Variants in KLHL9 observed in about 807,000 individuals in gnomAD.
KLHL9 encodes kelch like family member 9.
A neutral mutation model predicts 42.3 loss-of-function variants in KLHL9; 27 were observed. That is an observed-to-expected ratio of 0.64 (90% CI 0.47 to 0.88). The LOEUF is 0.88. KLHL9 is among the 40% of genes least tolerant of loss of function. The pLI is 0.00. For missense variants in KLHL9, 629 were observed against 750.3 expected, an observed-to-expected ratio of 0.84 and a Z score of 1.89; for synonymous variants, 274 against 254.4, an observed-to-expected ratio of 1.08 and a Z score of -0.73.
chr9:21,334,281 G>C lies in KLHL9; in HGVS notation c.579C>G (p.Leu193=). The change falls in exon 1 of 1, where the codon CTC becomes CTG. Residue 193 remains leucine (L), a synonymous_variant. Transcript: ENST00000359039. This position sits in a 1 kb window ranked among gnomAD's most constrained non-coding sequence, Gnocchi z 5.1. ...ALLSTGEFLK[L]PFERLAFVLS... is the part of the protein sequence containing the mutation. ...GCACAAATGCAAGTCGTTCAAAAGG[G>C]AGTTTTAGAAACTCCCCAGTACTCA... 6.2e-7 allele frequency: 1 copy of C among 1,614,060 alleles called. No homozygotes were observed. Among genetic ancestry groups the C allele is most frequent in the Non-Finnish European group, 8.5e-7 (1 of 1,180,000 alleles).
rs371506199 is a variant in KLHL9, at chr9:21,333,144, A to G, written c.1716T>C (p.Asp572=). 1.9e-6 allele frequency: 3 copies of G among 1,614,210 alleles called. No homozygotes were observed. The highest frequency in any genetic ancestry group is 2.5e-6 in the Non-Finnish European group (3 of 1,180,016). The change falls in exon 1 of 1, where the codon GAT becomes GAC. Residue 572 remains aspartate, a synonymous_variant. Transcript: ENST00000359039. This position sits in a 1 kb window ranked among gnomAD's most constrained non-coding sequence, Gnocchi z 7.5. ...EIVQKYDPEK[D]EWHKVFDLPE... ...GAAGATCAAAAACTTTATGCCACTC[A>G]TCTTTTTCTGGGTCATATTTCTGGA... is the stretch of plus-strand genomic sequence containing the variant.
rs535505896 is a variant in KLHL9 at position 21,330,827 on chromosome 9, G to A, written c.*2179C>T. The A allele has an allele frequency of 6.6e-6, 1 of 152,152 alleles. No homozygotes were observed. The highest frequency in any genetic ancestry group is 2.4e-5 in the African/African-American group (1 of 41,454). The allele number at this position is 152,152 out of a possible 1,614,324, so 9.4% of individuals were successfully genotyped here. ...AATCCCAGCTAATCGGGAGGCTGAG[G>A]TGGGAGAATCGCCTGAACATGAGAG... On this transcript the variant is annotated 3_prime_UTR_variant, in exon 1 of 1. Coordinates refer to ENST00000359039, the MANE Select transcript of KLHL9 (RefSeq NM_018847.4).
chr9:21,334,190 T>C lies in KLHL9; in HGVS notation c.670A>G (p.Arg224Gly), dbSNP rs1350847317. Residue 224 changes from arginine to glycine, a missense_variant, in exon 1 of 1, where the codon AGG becomes GGG. By Grantham distance (125) the Arg-to-Gly change is moderately radical (BLOSUM62 -2). Transcript: ENST00000359039. The surrounding 1 kb of genome is among the most constrained non-coding windows in gnomAD (Gnocchi z 5.1). ...ELFKAACRWLRLEDPRMDYAA... is the reference protein window; with the variant it reads ...ELFKAACRWLGLEDPRMDYAA... ...TAATCCATCCGAGGGTCTTCCAACC[T>C]TAGCCAGCGACAGGCTGCCTTAAAG... The C allele has an allele frequency of 1.2e-6, 2 of 1,614,100 alleles. No homozygotes were observed. The highest frequency in any genetic ancestry group is 1.7e-6 in the Non-Finnish European group (2 of 1,180,042).
In KLHL9 at chr9:21,331,021, C is replaced by T. The variant is rs1167645397; in HGVS notation, c.*1985G>A. On this transcript the variant is annotated 3_prime_UTR_variant, in exon 1 of 1. Transcript: ENST00000359039. ...GGGAAGAAATAAATGCAAGCAAATGCAAGTTAAATTACATTTATTATATAA... is the reference window on the plus strand; with the variant it reads ...GGGAAGAAATAAATGCAAGCAAATGTAAGTTAAATTACATTTATTATATAA... 6.6e-6 allele frequency: 1 copy of T among 151,312 alleles called. No homozygotes were observed. The highest frequency in any genetic ancestry group is 1.5e-5 in the Non-Finnish European group (1 of 67,806). 9.4% of individuals were successfully genotyped at this position (151,312 alleles called of 1,614,324 possible). A position where few individuals can be genotyped will look rare whatever the true frequency, so the allele number is the denominator to read the frequency against.
chr9:21,333,873 A>G lies in KLHL9; in HGVS notation c.987T>C (p.Ser329=). The change falls in exon 1 of 1, where the codon TCT becomes TCC. Residue 329 remains serine, a synonymous_variant. Coordinates refer to ENST00000359039, the MANE Select transcript of KLHL9 (RefSeq NM_018847.4). The surrounding 1 kb of genome is among the most constrained non-coding windows in gnomAD (Gnocchi z 7.5). ...MYDERAQEWR[S]LAPMDAPRYQ... Reference sequence around the variant, plus strand: ...AACGGGGAGCATCCATTGGGGCTAAAGATCTCCATTCTTGTGCCCTTTCAT... The same window carrying G: ...AACGGGGAGCATCCATTGGGGCTAAGGATCTCCATTCTTGTGCCCTTTCAT... The G allele has an allele frequency of 1.2e-6, 2 of 1,614,004 alleles. No individual in the cohort carries two copies. Among genetic ancestry groups the G allele is most frequent in the Non-Finnish European group, 1.7e-6 (2 of 1,180,026 alleles).
Position 21,331,267 on chromosome 9 carries a change from A to G in KLHL9, c.*1739T>C, listed in dbSNP as rs1820165561. ...AAATGTACTCAAATGTGCTATTTTTAGTAATAAAAAACTGAGTAATTAAAA... is the reference window on the plus strand; with the variant it reads ...AAATGTACTCAAATGTGCTATTTTTGGTAATAAAAAACTGAGTAATTAAAA... On this transcript the variant is annotated 3_prime_UTR_variant, in exon 1 of 1. Transcript: ENST00000359039. 6.5e-6 allele frequency: 1 copy of G among 152,690 alleles called. No homozygotes were observed. The highest frequency in any genetic ancestry group is 2.1e-4 in the South Asian group (1 of 4,828). 9.5% of individuals were successfully genotyped at this position (152,690 alleles called of 1,614,324 possible). A position where few individuals can be genotyped will look rare whatever the true frequency, so the allele number is the denominator to read the frequency against.
Position 21,332,887 on chromosome 9 carries a change from G to C in KLHL9, c.*119C>G. 1 of 1,452,724 alleles carries C rather than the reference G, an allele frequency of 6.9e-7. No homozygotes were observed. The allele number at this position is 1,452,724 out of a possible 1,614,324, so 90.0% of individuals were successfully genotyped here. Reference sequence around the variant, plus strand: ...GATAAACATACTAAAAGCCATACAAGACGAATAACATCAGTTACCTTTATA... The same window carrying C: ...GATAAACATACTAAAAGCCATACAACACGAATAACATCAGTTACCTTTATA... On this transcript the variant is annotated 3_prime_UTR_variant, in exon 1 of 1. Coordinates refer to ENST00000359039, the MANE Select transcript of KLHL9 (RefSeq NM_018847.4).
chr9:21,333,984 G>A lies in KLHL9; in HGVS notation c.876C>T (p.Ala292=), dbSNP rs1820220113. ...MQPVMQSDRT[A]IRSDSTHLVT... Reference sequence around the variant, plus strand: ...CCAAGTGAGTGGAGTCAGATCGAATGGCAGTTCTATCTGACTGCATCACTG... The same window carrying A: ...CCAAGTGAGTGGAGTCAGATCGAATAGCAGTTCTATCTGACTGCATCACTG... The change falls in exon 1 of 1, where the codon GCC becomes GCT. Residue 292 remains alanine (A), a synonymous_variant. Transcript: ENST00000359039. The surrounding 1 kb of genome is among the most constrained non-coding windows in gnomAD (Gnocchi z 7.5). 1 of 1,614,044 alleles carries A rather than the reference G, an allele frequency of 6.2e-7. No individual in the cohort carries two copies. Among genetic ancestry groups the A allele is most frequent in the Non-Finnish European group, 8.5e-7 (1 of 1,179,942 alleles).
At position 21,332,759 on chromosome 9, in the gene KLHL9, T is replaced by C; in HGVS notation, c.*247A>G. The C allele has an allele frequency of 1.9e-6, 1 of 514,662 alleles. No homozygotes were observed. The allele number at this position is 514,662 out of a possible 1,614,324, so 31.9% of individuals were successfully genotyped here. A position where few individuals can be genotyped will look rare whatever the true frequency, so the allele number is the denominator to read the frequency against. ...TTTACCACAGTCATCTACAATTTTA[T>C]ATAACATCACAAAAAGACATCTAAA... On this transcript the variant is annotated 3_prime_UTR_variant, in exon 1 of 1. Transcript: ENST00000359039.
Position 21,334,797 on chromosome 9 carries a change from T to C in KLHL9, c.63A>G (p.Ala21=). The C allele has an allele frequency of 6.2e-7, 1 of 1,613,364 alleles. No homozygotes were observed. Among genetic ancestry groups the C allele is most frequent in the Non-Finnish European group, 8.5e-7 (1 of 1,179,708 alleles). Reference sequence around the variant, plus strand: ...TGCTGGTAAAAAAGCGTGTGGTTCCTGCCTTACAAGGCTGCAAATGGGCAG... The same window carrying C: ...TGCTGGTAAAAAAGCGTGTGGTTCCCGCCTTACAAGGCTGCAAATGGGCAG... ...GVSAHLQPCK[A]GTTRFFTSNT... is the part of the protein sequence containing the mutation. Residue 21 remains alanine, a synonymous_variant, in exon 1 of 1, where the codon GCA becomes GCG. Transcript: ENST00000359039. The surrounding 1 kb of genome is among the most constrained non-coding windows in gnomAD (Gnocchi z 5.1).
In KLHL9 at chr9:21,332,092, C is replaced by T. The variant is rs1285918164; in HGVS notation, c.*914G>A. The stretch of plus-strand genomic sequence containing the variant: ...CAAAAGCAGTTCTCTGAAACCTGAA[C>T]TTTACCAATCTGTGTAAAAGTACTC... On this transcript the variant is annotated 3_prime_UTR_variant, in exon 1 of 1. Transcript: ENST00000359039. 1 of 152,418 alleles carries T rather than the reference C, an allele frequency of 6.6e-6. No individual in the cohort carries two copies. Among genetic ancestry groups the T allele is most frequent in the Non-Finnish European group, 1.5e-5 (1 of 68,036 alleles). The allele number at this position is 152,418 out of a possible 1,614,324, so 9.4% of individuals were successfully genotyped here.
Position 21,333,918 on chromosome 9 carries a change from A to C in KLHL9, c.942T>G (p.Ser314Arg), listed in dbSNP as rs773912458. 1 of 1,614,122 alleles carries C rather than the reference A, an allele frequency of 6.2e-7. No homozygotes were observed. The highest frequency in any genetic ancestry group is 2.2e-5 in the East Asian group (1 of 44,886). ...TTTCATCATACATCCGTAATTCTTT[A>C]CTGACAACCAGCTGCTGCCTCAAAA... The part of the protein sequence containing the change: ...GGVLRQQLVV[S>R]KELRMYDERA... Residue 314 changes from serine to arginine, a missense_variant, in exon 1 of 1, where the codon AGT becomes AGG. Transcript: ENST00000359039. This position sits in a 1 kb window ranked among gnomAD's most constrained non-coding sequence, Gnocchi z 7.5.
rs1312075274 is a variant in KLHL9 at position 21,334,614 on chromosome 9, T to C, written c.246A>G (p.Thr82=). 6.2e-7 allele frequency: 1 copy of C among 1,614,200 alleles called. No individual in the cohort carries two copies. The highest frequency in any genetic ancestry group is 1.1e-5 in the South Asian group (1 of 91,084). ...SASDYFKAMF[T]GGMKEQDLMC... ...TCAAATCTTGTTCTTTCATTCCACC[T>C]GTGAACATGGCTTTGAAATAATCAC... Residue 82 remains threonine, a synonymous_variant, in exon 1 of 1, where the codon ACA becomes ACG. Coordinates refer to ENST00000359039, the MANE Select transcript of KLHL9 (RefSeq NM_018847.4). This position sits in a 1 kb window ranked among gnomAD's most constrained non-coding sequence, Gnocchi z 5.1.
Position 21,334,446 on chromosome 9 carries a change from C to G in KLHL9, c.414G>C (p.Leu138Phe). The G allele has an allele frequency of 1.2e-6, 2 of 1,613,930 alleles. No homozygotes were observed. ...AASFLQILPV[L>F]DFCKVFLISG... ...ATATAAGAAATACTTTACAGAAATC[C>G]AAAACGGGTAATATTTGTAAAAAGC... The change falls in exon 1 of 1, where the codon TTG becomes TTC. Residue 138 changes from leucine to phenylalanine, a missense_variant. Leu to Phe is a conservative substitution (Grantham distance 22, BLOSUM62 0). Around this residue, in one of 4 missense-constraint regions of KLHL9, gnomAD observed 351 missense variants for 363.1 expected, o/e 0.97. Transcript: ENST00000359039. This position sits in a 1 kb window ranked among gnomAD's most constrained non-coding sequence, Gnocchi z 5.1.
chr9:21,333,304 G>A lies in KLHL9; in HGVS notation c.1556C>T (p.Ser519Leu), dbSNP rs768748243. Residue 519 changes from serine (S) to leucine (L), a missense_variant, in exon 1 of 1, where the codon TCA becomes TTA. Physicochemically the swap from Ser to Leu is moderately radical, Grantham distance 145 (BLOSUM62 -2). Around this residue, in one of 4 missense-constraint regions of KLHL9, gnomAD observed 214 missense variants for 305.8 expected, o/e 0.70. Transcript: ENST00000359039. The surrounding 1 kb of genome is among the most constrained non-coding windows in gnomAD (Gnocchi z 7.5). ...TGGGGTCCACTGGTCAAGGGTTGGT[G>A]AATAGTATTCACAGCTTAGAACATC... The part of the protein sequence containing the change: ...YDDVLSCEYY[S>L]PTLDQWTPIA... The A allele has an allele frequency of 2.5e-6, 4 of 1,614,080 alleles. No individual in the cohort carries two copies. The highest frequency in any genetic ancestry group is 2.7e-5 in the African/African-American group (2 of 74,932).
rs1305589646 is a variant in KLHL9 at position 21,331,993 on chromosome 9, A to T, written c.*1013T>A. 6.6e-6 allele frequency: 1 copy of T among 152,520 alleles called. No individual in the cohort carries two copies. Among genetic ancestry groups the T allele is most frequent in the Non-Finnish European group, 1.5e-5 (1 of 68,028 alleles). 9.4% of individuals were successfully genotyped at this position (152,520 alleles called of 1,614,324 possible). A position where few individuals can be genotyped will look rare whatever the true frequency, so the allele number is the denominator to read the frequency against. On this transcript the variant is annotated 3_prime_UTR_variant, in exon 1 of 1. Transcript: ENST00000359039. ...TTAAAACCCTATAGCTTTGTTCAGA[A>T]TATTTTTTTCTTTGCTTTTTTCATT... is the stretch of plus-strand genomic sequence containing the variant.
rs1342111199 is a variant in KLHL9, at chr9:21,330,194, A to C, written c.*2812T>G. On this transcript the variant is annotated 3_prime_UTR_variant, in exon 1 of 1. Coordinates refer to ENST00000359039, the MANE Select transcript of KLHL9 (RefSeq NM_018847.4). The stretch of plus-strand genomic sequence containing the variant: ...TGACGTATCCTGGGGGAGGGACCCA[A>C]GTCTAAACAATATTACTTAAAACTT... 1.3e-5 allele frequency: 2 copies of C among 152,196 alleles called. No homozygotes were observed. The highest frequency in any genetic ancestry group is 4.8e-5 in the African/African-American group (2 of 41,438). 9.4% of individuals were successfully genotyped at this position (152,196 alleles called of 1,614,324 possible). A position where few individuals can be genotyped will look rare whatever the true frequency, so the allele number is the denominator to read the frequency against.
In KLHL9 at chr9:21,333,867, G is replaced by A. The variant is rs758913815; in HGVS notation, c.993C>T (p.Ala331=). The A allele has an allele frequency of 2.5e-6, 4 of 1,613,722 alleles. No homozygotes were observed. The highest frequency in any genetic ancestry group is 3.4e-6 in the Non-Finnish European group (4 of 1,180,012). ...GCTGGTAACGGGGAGCATCCATTGG[G>A]GCTAAAGATCTCCATTCTTGTGCCC... is the stretch of plus-strand genomic sequence containing the variant. The part of the protein sequence containing the change: ...DERAQEWRSL[A]PMDAPRYQHG... Residue 331 remains alanine, a synonymous_variant, in exon 1 of 1, where the codon GCC becomes GCT. Coordinates refer to ENST00000359039, the MANE Select transcript of KLHL9 (RefSeq NM_018847.4). The surrounding 1 kb of genome is among the most constrained non-coding windows in gnomAD (Gnocchi z 7.5).
rs201886256 is a variant in KLHL9 at position 21,333,956 on chromosome 9, T to C, written c.904A>G (p.Thr302Ala). Residue 302 changes from threonine (T) to alanine (A), a missense_variant, in exon 1 of 1, where the codon ACA becomes GCA. Physicochemically the swap from Thr to Ala is moderately conservative, Grantham distance 58. Around this residue, in one of 4 missense-constraint regions of KLHL9, gnomAD observed 214 missense variants for 305.8 expected, o/e 0.70. Transcript: ENST00000359039. The surrounding 1 kb of genome is among the most constrained non-coding windows in gnomAD (Gnocchi z 7.5). ...TGCTGCCTCAAAACTCCTCCTAATG[T>C]AACCAAGTGAGTGGAGTCAGATCGA... ...AIRSDSTHLV[T>A]LGGVLRQQLV... 6.2e-7 allele frequency: 1 copy of C among 1,614,228 alleles called. No individual in the cohort carries two copies. Among genetic ancestry groups the C allele is most frequent in the East Asian group, 2.2e-5 (1 of 44,886 alleles).
Sources: allele counts gnomAD v4.1 joint callset, GRCh38; gene constraint gnomAD v4.1.1; regional missense constraint gnomAD v4.1.1; non-coding constraint Gnocchi (gnomAD v3.1); transcripts MANE v1.5; gene names NCBI Gene and HGNC (gene_info 2026-07-23, HGNC 2026-07-21).